The following LINGO2 variants were observed in gnomAD, a reference collection of about 807,000 sequenced individuals.
The protein encoded by LINGO2 is leucine-rich repeat and immunoglobulin-like domain-containing nogo receptor-interacting protein 2.
In LINGO2, 14 loss-of-function variants were observed where a neutral mutation model predicts 30.6. That is an observed-to-expected ratio of 0.46 (90% CI 0.30 to 0.72). LINGO2 has a LOEUF of 0.72. Among genes scored for constraint, LINGO2 ranks in the 30% least tolerant of loss-of-function variants. The pLI is 0.07. For synonymous variants in LINGO2, 317 were observed against 288.5 expected, an observed-to-expected ratio of 1.10 and a Z score of -1.00; for missense variants, 729 against 751.7, an observed-to-expected ratio of 0.97 and a Z score of 0.35.
chr9:28,894,214 G>A, the LINGO2 span, among the ~76,000 whole-genome samples: 5 of 151,990 alleles, frequency 3.3e-5, no homozygotes, highest in South Asian at 2.1e-4. Context: ...ATAAACATAC[G>A]TGTGCATGTG....
intron 4 of LINGO2, among the ~76,000 whole-genome samples, chr9:28,037,727 G>A (rs2132952210): frequency 6.6e-6 from 1 of 152,332 alleles, no homozygotes; most frequent in African/African-American, 2.4e-5. Context: ...ATTAGCGAAT[G>A]AATGAATTAG....
chr9:28,940,729 T>C, the LINGO2 span, among the ~76,000 whole-genome samples: 1 of 152,140 alleles, frequency 6.6e-6, no homozygotes, highest in Non-Finnish European at 1.5e-5. Flanking sequence ...CTCCCATAAC[T>C]ATGAAGGATT....
In LINGO2 at chr9:28,321,440, T is replaced by C. The variant is rs185974446; in HGVS notation, c.-245-26074A>G. On this transcript the variant is annotated intron_variant, in intron 3 of 5. Coordinates refer to ENST00000379992, the Ensembl canonical transcript of LINGO2. ...TTCAAAAGTTAGGAAACCTGAGTTC[T>C]AGTTCACCTCAATCACTAGTCATAA... Among the ~76,000 whole-genome samples, 259 of 152,322 alleles carry C rather than the reference T, an allele frequency of 1.7e-3. 2 individuals carry two copies. The highest frequency in any genetic ancestry group is 6.1e-3 in the African/African-American group (253 of 41,564).
chr9:28,226,697 A>AAC (rs1821179347), intron 4 of LINGO2, among the ~76,000 whole-genome samples: 1 of 60,536 alleles, frequency 1.7e-5, no homozygotes, highest in Admixed American at 1.6e-4. Context: ...GAAAGAAAGA[A>AAC]AGAAAGAGAA....
the LINGO2 span, among the ~76,000 whole-genome samples, chr9:29,210,048 A>C: frequency 6.6e-6 from 1 of 152,204 alleles, no homozygotes; most frequent in African/African-American, 2.4e-5. Context: ...CCAGATCATA[A>C]TCAGTTTTTA....
the LINGO2 span, among the ~76,000 whole-genome samples, chr9:28,763,462 A>G: frequency 1.3e-5 from 2 of 152,038 alleles, no homozygotes; most frequent in African/African-American, 4.8e-5. Context: ...GGAAATCAAA[A>G]GAGAATTTAG....
At chr9:28,041,800 A>G (rs1035210227) in intron 4 of LINGO2, among the ~76,000 whole-genome samples, 1 of 152,210 alleles carries the variant, frequency 6.6e-6, no homozygotes, top group Non-Finnish European at 1.5e-5. Context: ...ACCCTACAAC[A>G]TACAAATTTA....
intron 4 of LINGO2, among the ~76,000 whole-genome samples, chr9:28,248,544 G>T (rs1233109789): frequency 2.6e-5 from 4 of 152,014 alleles, no homozygotes; most frequent in Non-Finnish European, 5.9e-5. Context: ...ATAAGACCTA[G>T]TATTTGGTAG....
chr9:28,559,367 G>T (rs917086883), intron 1 of LINGO2, among the ~76,000 whole-genome samples: 5 of 152,048 alleles, frequency 3.3e-5, no homozygotes, highest in African/African-American at 1.2e-4. Flanking sequence ...TCACCCAGGA[G>T]AATGTTTCCC....
chr9:28,315,995 T>C (rs935057594), intron 3 of LINGO2, among the ~76,000 whole-genome samples: 1 of 152,200 alleles, frequency 6.6e-6, no homozygotes, highest in Non-Finnish European at 1.5e-5. Flanking sequence ...TATGTGATTG[T>C]TGGCCAAGTC....
intron 4 of LINGO2, among the ~76,000 whole-genome samples, chr9:28,158,777 G>C (rs1212000929): frequency 6.6e-6 from 1 of 152,180 alleles, no homozygotes; most frequent in Non-Finnish European, 1.5e-5. Flanking sequence ...CTAAGGATGA[G>C]TTTCACAGGG....
chr9:28,876,426 G>T, the LINGO2 span, among the ~76,000 whole-genome samples: 1 of 147,066 alleles, frequency 6.8e-6, no homozygotes, highest in Non-Finnish European at 1.5e-5. Context: ...ACAGTCCCCA[G>T]AGTGTGATGC....
chr9:28,585,601 G>A (rs982483921), intron 1 of LINGO2, among the ~76,000 whole-genome samples: 4 of 152,012 alleles, frequency 2.6e-5, no homozygotes, highest in African/African-American at 9.7e-5. Context: ...GCTGACGTAA[G>A]TGTTCTGGGC....
chr9:28,176,145 G>A (rs952933834), intron 4 of LINGO2, among the ~76,000 whole-genome samples: 1 of 152,160 alleles, frequency 6.6e-6, no homozygotes, highest in Non-Finnish European at 1.5e-5. Flanking sequence ...TACCTTGTAA[G>A]CTCTACTATT....
chr9:29,040,546 A>T, the LINGO2 span, among the ~76,000 whole-genome samples: 1 of 150,980 alleles, frequency 6.6e-6, no homozygotes, highest in Non-Finnish European at 1.5e-5. Context: ...ATAGTTGTGA[A>T]AACCTCTAGA....
chr9:29,040,329 T>A, the LINGO2 span, among the ~76,000 whole-genome samples: 1 of 152,122 alleles, frequency 6.6e-6, no homozygotes, highest in Non-Finnish European at 1.5e-5. Flanking sequence ...AACTAAATTA[T>A]GAGCTGAAAT....
chr9:28,887,084 C>A, the LINGO2 span, among the ~76,000 whole-genome samples: 1 of 151,996 alleles, frequency 6.6e-6, no homozygotes, highest in African/African-American at 2.4e-5. Flanking sequence ...TGAGGCAGGA[C>A]CTTGTACATA....
chr9:28,452,619 G>A (rs571879811), intron 2 of LINGO2, among the ~76,000 whole-genome samples: 3 of 151,908 alleles, frequency 2.0e-5, no homozygotes, highest in African/African-American at 7.2e-5. Context: ...CATGGTTTGT[G>A]GATAATAGCA....
At chr9:28,796,696 T>A in the LINGO2 span, among the ~76,000 whole-genome samples, 1 of 152,058 alleles carries the variant, frequency 6.6e-6, no homozygotes, top group African/African-American at 2.4e-5. Flanking sequence ...AATAAGAGGA[T>A]TCTAAATTTT....
Sources: gnomAD v4.1 joint callset for allele counts (sites outside exome capture counted in the v4.1 genomes callset) on GRCh38, gnomAD v4.1.1 for gene constraint, MANE v1.5 for transcripts, NCBI Gene and HGNC (gene_info 2026-07-23, HGNC 2026-07-21) for gene names.